The following HIVEP2 variants were observed in gnomAD, a reference collection of about 807,000 sequenced individuals.
HIVEP2 encodes the protein transcription factor HIVEP2.
In HIVEP2, 14 loss-of-function variants were observed where a neutral mutation model predicts 180.7. That is an observed-to-expected ratio of 0.08 (90% CI 0.05 to 0.12). HIVEP2 has a LOEUF of 0.12. HIVEP2 is among the 10% of genes least tolerant of loss of function. The pLI is 1.00. For synonymous variants in HIVEP2, 1,184 were observed against 1,136.4 expected, an observed-to-expected ratio of 1.04 and a Z score of -0.84; for missense variants, 2,579 against 3,008.5, an observed-to-expected ratio of 0.86 and a Z score of 3.34.
chr6:142,894,457 G>A (rs1582947706), intron 1 of HIVEP2, among the ~76,000 whole-genome samples: 1 of 152,166 alleles, frequency 6.6e-6, no homozygotes, highest in African/African-American at 2.4e-5. Context: ...ATAGCCTGGA[G>A]TACCTTATGG....
At chr6:142,824,003 C>T (rs1342335832) in intron 2 of HIVEP2, among the ~76,000 whole-genome samples, 1 of 151,788 alleles carries the variant, frequency 6.6e-6, no homozygotes, top group African/African-American at 2.4e-5. Context: ...TTTTAAATAG[C>T]TTAATTTAAA....
chr6:142,826,869 C>G (rs1384688881), intron 2 of HIVEP2, among the ~76,000 whole-genome samples: 1 of 152,158 alleles, frequency 6.6e-6, no homozygotes, highest in African/African-American at 2.4e-5. Context: ...TGTATTTTAT[C>G]TAAAATTTTG....
At chr6:142,778,249 C>T (rs1416900058) in intron 3 of HIVEP2, among the ~76,000 whole-genome samples, 1 of 152,206 alleles carries the variant, frequency 6.6e-6, no homozygotes, top group Non-Finnish European at 1.5e-5. Context: ...ATGATAGTCT[C>T]ATAATATTCC....
intron 1 of HIVEP2, among the ~76,000 whole-genome samples, chr6:142,906,505 G>T (rs1777267770): frequency 6.6e-6 from 1 of 151,884 alleles, no homozygotes; most frequent in Non-Finnish European, 1.5e-5. Context: ...AAACAACAAT[G>T]CAGTCAAAAT....
At chr6:142,871,947 T>C (rs533930825) in intron 1 of HIVEP2, among the ~76,000 whole-genome samples, 9 of 152,180 alleles carry the variant, frequency 5.9e-5, no homozygotes, top group Non-Finnish European at 1.0e-4. Flanking sequence ...ATGTTCCTTT[T>C]GAACTTGACA....
chr6:142,788,731 A>G (rs1776067874), intron 2 of HIVEP2, among the ~76,000 whole-genome samples: 2 of 152,074 alleles, frequency 1.3e-5, no homozygotes, highest in African/African-American at 4.8e-5. Flanking sequence ...ACAACAACAA[A>G]CAAACAAACA....
In HIVEP2 at chr6:142,753,464, A is replaced by G. The variant is rs768831988; in HGVS notation, c.6984T>C (p.Thr2328=). 6.2e-6 allele frequency: 10 copies of G among 1,613,952 alleles called. No individual in the cohort carries two copies. The highest frequency in any genetic ancestry group is 8.5e-6 in the Non-Finnish European group (10 of 1,180,026). ...GGAGAGAGGCAATGGCTTTTGTACAAGTCTGTATATTTTCCTCCTGTTCCC... is the reference window on the plus strand; with the variant it reads ...GGAGAGAGGCAATGGCTTTTGTACAGGTCTGTATATTTTCCTCCTGTTCCC... ...TEREQEENIQ[T]CTKAIASLRI... Residue 2328 remains threonine (T), a synonymous_variant, in exon 10 of 10, where the codon ACT becomes ACC. Coordinates refer to ENST00000367603, the MANE Select transcript of HIVEP2 (RefSeq NM_006734.4).
At chr6:142,829,896 T>C (rs969096540) in intron 2 of HIVEP2, among the ~76,000 whole-genome samples, 5 of 152,256 alleles carry the variant, frequency 3.3e-5, no homozygotes, top group Admixed American at 3.3e-4. Flanking sequence ...AATCTTTTTA[T>C]GGCTCAAGAT....
chr6:142,774,445 G>A lies in HIVEP2; in HGVS notation c.294C>T (p.Leu98=). ...GTGGCAATGAGTGCTGAGGGAAAGA[G>A]AGTGAGTGTTGGCATGAGTAAGGAC... ...RPSPYSCQHS[L]SFPQHSLPQG... Residue 98 remains leucine (L), a synonymous_variant, in exon 5 of 10, where the codon CTC becomes CTT. Transcript: ENST00000367603. The surrounding 1 kb of genome is among the most constrained non-coding windows in gnomAD (Gnocchi z 5.1). The A allele has an allele frequency of 6.2e-7, 1 of 1,614,202 alleles. No individual in the cohort carries two copies. The highest frequency in any genetic ancestry group is 1.1e-5 in the South Asian group (1 of 91,084).
intron 1 of HIVEP2, among the ~76,000 whole-genome samples, chr6:142,916,698 A>T (rs1180796263): frequency 1.3e-5 from 2 of 152,188 alleles, no homozygotes; most frequent in Non-Finnish European, 2.9e-5. Flanking sequence ...GAAGTTATCA[A>T]CTAATTTATA....
At chr6:142,869,577 T>C (rs1294664111) in intron 1 of HIVEP2, among the ~76,000 whole-genome samples, 10 of 152,168 alleles carry the variant, frequency 6.6e-5, no homozygotes, top group African/African-American at 2.4e-4. Flanking sequence ...CTGATCACTT[T>C]CCCACGTCTT....
In HIVEP2 at chr6:142,770,015, G is replaced by A. The variant is rs754989165; in HGVS notation, c.4724C>T (p.Ala1575Val). 2.0e-5 allele frequency: 33 copies of A among 1,613,986 alleles called. No homozygotes were observed. The highest frequency in any genetic ancestry group is 2.5e-5 in the Non-Finnish European group (30 of 1,180,040). Residue 1575 changes from alanine to valine, a missense_variant, in exon 5 of 10, where the codon GCA (alanine) becomes GTA (valine). By Grantham distance (64) the Ala-to-Val change is moderately conservative. Transcript: ENST00000367603. The surrounding 1 kb of genome is among the most constrained non-coding windows in gnomAD (Gnocchi z 4.7). ...CTGTGGGCTCATGCTCATGTCCGATGCCGTCTCATCGATATCTAATTCATC... is the reference window on the plus strand; with the variant it reads ...CTGTGGGCTCATGCTCATGTCCGATACCGTCTCATCGATATCTAATTCATC... ...SSDELDIDET[A>V]SDMSMSPQSS...
chr6:142,795,069 AT>A (rs1400599012), intron 2 of HIVEP2, among the ~76,000 whole-genome samples: 3 of 152,206 alleles, frequency 2.0e-5, no homozygotes, highest in African/African-American at 4.8e-5. Context: ...TTCAGTCAGC[AT>A]TGAGCAATAT....
intron 4 of HIVEP2, among the ~76,000 whole-genome samples, chr6:142,775,933 A>G (rs532028733): frequency 2.0e-5 from 3 of 151,420 alleles, no homozygotes; most frequent in Non-Finnish European, 4.4e-5. Flanking sequence ...TATAAAATAC[A>G]TAATTCATAA....
chr6:142,762,094 C>A lies in HIVEP2; in HGVS notation c.5519-529G>T, dbSNP rs576460877. ...ACATACAAACTAATGTGAGGGCCAA[C>A]CTTGTCAGTGCTCTGAAAGATCCAT... On this transcript the variant is annotated intron_variant, in intron 7 of 9. Coordinates refer to ENST00000367603, the MANE Select transcript of HIVEP2 (RefSeq NM_006734.4). Among the ~76,000 whole-genome samples, 41 of 152,304 alleles carry A rather than the reference C, an allele frequency of 2.7e-4. 1 individual carries two copies. In the South Asian group the frequency reaches 8.5e-3, roughly 32 times the overall value.
upstream of HIVEP2, among the ~76,000 whole-genome samples, chr6:142,945,460 G>GCTTT (rs1408415657): frequency 2.6e-5 from 4 of 152,068 alleles, no homozygotes; most frequent in Admixed American, 6.5e-5. The surrounding 1 kb of genome is among the most constrained non-coding windows in gnomAD (Gnocchi z 5.5). Flanking sequence ...GCCGAAGGAG[G>GCTTT]CAGGAAAAAC....
chr6:142,939,492 T>C (rs1191647929), intron 1 of HIVEP2, among the ~76,000 whole-genome samples: 2 of 152,210 alleles, frequency 1.3e-5, no homozygotes, highest in Non-Finnish European at 2.9e-5. Context: ...ACTCTTCCTC[T>C]GCCCTGGTAC....
At position 142,776,158 on chromosome 6, in the gene HIVEP2, A is replaced by G. The variant is rs1329668920; in HGVS notation, c.-399T>C. On this transcript the variant is annotated 5_prime_UTR_variant, in exon 4 of 10. Transcript: ENST00000367603. ...AACGAAATGATTACCTGAACAGTTT[A>G]GAGTTCTTATGGGCATGATTGTCCT... The G allele has an allele frequency of 6.6e-6, 1 of 152,630 alleles. No individual in the cohort carries two copies. The highest frequency in any genetic ancestry group is 1.5e-5 in the Non-Finnish European group (1 of 68,036). The allele number at this position is 152,630 out of a possible 1,614,324, so 9.5% of individuals were successfully genotyped here.
chr6:142,870,444 A>C (rs1176374243), intron 1 of HIVEP2, among the ~76,000 whole-genome samples: 3 of 152,122 alleles, frequency 2.0e-5, no homozygotes, highest in African/African-American at 7.2e-5. Flanking sequence ...TTTTTGCGGA[A>C]TGTACAATAG....
Sources: gnomAD v4.1 joint callset for allele counts (sites outside exome capture counted in the v4.1 genomes callset) on GRCh38, gnomAD v4.1.1 for gene constraint, Gnocchi (gnomAD v3.1) non-coding constraint, MANE v1.5 for transcripts, NCBI Gene and HGNC (gene_info 2026-07-23, HGNC 2026-07-21) for gene names.